PLEKHA7: variants seen among roughly 807,000 people sequenced by gnomAD.
PLEKHA7 encodes pleckstrin homology domain containing A7.
In PLEKHA7, 104 loss-of-function variants were observed where a neutral mutation model predicts 170.0. The ratio of observed to expected loss-of-function variants is 0.61; its 90% CI spans 0.52 to 0.72. PLEKHA7 has a LOEUF of 0.72. Ranked by LOEUF, PLEKHA7 falls within the 30% of genes least tolerant of loss-of-function variation. The pLI is 0.00. For missense variants in PLEKHA7, 1,615 were observed against 1,671.7 expected (o/e 0.97, Z 0.59); for synonymous variants, 648 against 660.8 (o/e 0.98, Z 0.30).
chr11:16,801,430 G>A (rs973603891), intron 16 of PLEKHA7, among the ~76,000 whole-genome samples: 15 of 152,246 alleles, frequency 9.9e-5, no homozygotes, highest in Non-Finnish European at 1.6e-4. Flanking sequence ...CTGGCCCACT[G>A]GGTGTCACTG....
chr11:16,877,752 C>A (rs1045844800), intron 3 of PLEKHA7, among the ~76,000 whole-genome samples: 4 of 152,198 alleles, frequency 2.6e-5, no homozygotes, highest in African/African-American at 9.7e-5. Flanking sequence ...AGCAACAAGT[C>A]AGCCCAGAGC....
intron 25 of PLEKHA7, 121 bp from the exon 26 acceptor site, chr11:16,783,017 G>C: frequency 1.8e-6 from 2 of 1,089,242 alleles, no homozygotes; most frequent in Non-Finnish European, 2.6e-6. Context: ...AAAAACTGTG[G>C]TACTTTCTCC....
At chr11:16,800,288 G>A (rs1274493640) in intron 17 of PLEKHA7, among the ~76,000 whole-genome samples, 2 of 152,204 alleles carry the variant, frequency 1.3e-5, no homozygotes, top group African/African-American at 4.8e-5. Flanking sequence ...GGGGAACACT[G>A]GGCAATTTGG....
Position 16,791,217 on chromosome 11 carries a change from C to T in PLEKHA7, c.2746-18G>A. The T allele has an allele frequency of 2.5e-6, 4 of 1,572,590 alleles. No individual in the cohort carries two copies. The highest frequency in any genetic ancestry group is 3.5e-6 in the Non-Finnish European group (4 of 1,158,744). ...TCATCTTCCTGCTGAGAAAGAGAAC[C>T]AGACCAGTGGTCAGCGAGACGGAGC... On this transcript the variant is annotated intron_variant, in intron 19 of 26. Coordinates refer to ENST00000531066, the MANE Select transcript of PLEKHA7 (RefSeq NM_001329630.2). This position sits in a 1 kb window ranked among gnomAD's most constrained non-coding sequence, Gnocchi z 4.5.
At position 16,786,846 on chromosome 11, in the gene PLEKHA7, T is replaced by C. The variant is rs886113934; in HGVS notation, c.3358-459A>G. On this transcript the variant is annotated intron_variant, in intron 23 of 26. Coordinates refer to ENST00000531066, the MANE Select transcript of PLEKHA7 (RefSeq NM_001329630.2). ...GAAGAATAACCAAGGATCTTTCTAT[T>C]GGGAATTTTCAACAAGATAACATTC... is the stretch of plus-strand genomic sequence containing the variant. The C allele has an allele frequency of 1.7e-5, 17 of 985,360 alleles. No individual in the cohort carries two copies. The South Asian group carries it at 7.1e-4, about 41-fold the overall frequency. The allele number at this position is 985,360 out of a possible 1,614,324, so 61.0% of individuals were successfully genotyped here.
At position 16,786,348 on chromosome 11, in the gene PLEKHA7, G is replaced by A. The variant is rs571452856; in HGVS notation, c.3397C>T (p.Arg1133Trp). 2.0e-5 allele frequency: 30 copies of A among 1,536,068 alleles called. No homozygotes were observed. Among genetic ancestry groups the A allele is most frequent in the South Asian group, 5.9e-5 (5 of 84,060 alleles). Residue 1133 changes from arginine (R) to tryptophan (W), a missense_variant, in exon 24 of 27, where the codon CGG (arginine) becomes TGG (tryptophan). By Grantham distance (101) the Arg-to-Trp change is moderately radical (BLOSUM62 -3). Coordinates refer to ENST00000531066, the MANE Select transcript of PLEKHA7 (RefSeq NM_001329630.2). ...TCCTTTTTTTCCCCTTGCACGACCC[G>A]TTCCAGCAACTGCAGGTCAAAGTCC... ...EQDFDLQLLERVVQGEKKDKE... is the reference protein window; with the variant it reads ...EQDFDLQLLEWVVQGEKKDKE...
intron 3 of PLEKHA7, among the ~76,000 whole-genome samples, chr11:16,885,016 T>G (rs1413085723): frequency 6.8e-6 from 1 of 146,810 alleles, no homozygotes; most frequent in Non-Finnish European, 1.6e-5. Context: ...AGAGAAGACC[T>G]TCTTTTCATG....
intron 26 of PLEKHA7, chr11:16,781,085 T>G (rs1590094606): frequency 6.8e-6 from 6 of 878,586 alleles, no homozygotes; most frequent in Non-Finnish European, 8.2e-6. Context: ...AAGCGGTGTG[T>G]TAGACTCCTC....
rs1848071838 is a variant in PLEKHA7 at position 16,794,472 on chromosome 11, A to C, written c.2745+16T>G. The C allele has an allele frequency of 6.3e-7, 1 of 1,597,978 alleles. No homozygotes were observed. Among genetic ancestry groups the C allele is most frequent in the Admixed American group, 1.7e-5 (1 of 59,964 alleles). Reference sequence around the variant, plus strand: ...GAGGAAACAATGGCATTCAGCTCCTAGTTATCACTACTTACAACTTTGGGC... The same window carrying C: ...GAGGAAACAATGGCATTCAGCTCCTCGTTATCACTACTTACAACTTTGGGC... On this transcript the variant is annotated intron_variant, in intron 19 of 26. Transcript: ENST00000531066.
intron 13 of PLEKHA7, among the ~76,000 whole-genome samples, chr11:16,808,042 T>C (rs1011679492): frequency 2.0e-5 from 3 of 152,216 alleles, no homozygotes; most frequent in East Asian, 1.9e-4. Flanking sequence ...GAGGTTCTTG[T>C]GGTGCAGATC....
chr11:16,993,971 T>C (rs1288611796), intron 3 of PLEKHA7, among the ~76,000 whole-genome samples: 2 of 152,198 alleles, frequency 1.3e-5, no homozygotes, highest in Non-Finnish European at 2.9e-5. Context: ...ATTAAGTCCA[T>C]GAGTAATTAT....
At chr11:16,924,463 GA>G (rs1401081703) in intron 3 of PLEKHA7, among the ~76,000 whole-genome samples, 1 of 152,190 alleles carries the variant, frequency 6.6e-6, no homozygotes, top group Non-Finnish European at 1.5e-5. Context: ...CTGCTGAGAG[GA>G]CTCAGGTCTC....
chr11:16,974,448 C>G (rs923044588), intron 3 of PLEKHA7, among the ~76,000 whole-genome samples: 1 of 152,210 alleles, frequency 6.6e-6, no homozygotes, highest in African/African-American at 2.4e-5. Flanking sequence ...CACAAATTTG[C>G]GTGTCATCCT....
chr11:16,786,164 TG>T, intron 24 of PLEKHA7, 64 bp downstream of exon 24: 1 of 1,513,448 alleles, frequency 6.6e-7, no homozygotes, highest in East Asian at 2.5e-5. Flanking sequence ...AGTGGGAAGG[TG>T]GATCAGGCTG....
At position 16,789,118 on chromosome 11, in the gene PLEKHA7, G is replaced by T; in HGVS notation, c.3335C>A (p.Pro1112Gln). 6.2e-7 allele frequency: 1 copy of T among 1,605,848 alleles called. No homozygotes were observed. Among genetic ancestry groups the T allele is most frequent in the Non-Finnish European group, 8.5e-7 (1 of 1,179,962 alleles). Residue 1112 changes from proline (P) to glutamine (Q), a missense_variant, in exon 23 of 27, where the codon CCG (proline) becomes CAG (glutamine). Physicochemically the swap from Pro to Gln is moderately conservative, Grantham distance 76. Transcript: ENST00000531066. This position sits in a 1 kb window ranked among gnomAD's most constrained non-coding sequence, Gnocchi z 4.6. ...GLPSSRYLSRPLPGDLGSWKR... is the reference protein window; with the variant it reads ...GLPSSRYLSRQLPGDLGSWKR... ...TACTGAGCCAAGATCTCCAGGGAGC[G>T]GCCGGCTGAGGTAGCGAGATGAGGG...
At chr11:16,831,898 T>G (rs1851145910) in intron 9 of PLEKHA7, among the ~76,000 whole-genome samples, 1 of 152,232 alleles carries the variant, frequency 6.6e-6, no homozygotes, top group Non-Finnish European at 1.5e-5. Context: ...GCCCCAATTT[T>G]TTGAAAGTCG....
intron 3 of PLEKHA7, among the ~76,000 whole-genome samples, chr11:16,979,441 A>C (rs961359652): frequency 6.6e-6 from 1 of 152,140 alleles, no homozygotes; most frequent in Non-Finnish European, 1.5e-5. Context: ...TTTTACAGAC[A>C]TGGGATCTGA....
chr11:16,804,889 CG>C (rs57180263), intron 13 of PLEKHA7, among the ~76,000 whole-genome samples: 7 of 151,324 alleles, frequency 4.6e-5, no homozygotes, highest in African/African-American at 7.3e-5. Flanking sequence ...TCCTGCAATG[CG>C]GGGGGGGCGG....
chr11:16,939,880 G>A (rs1051649046), intron 3 of PLEKHA7, among the ~76,000 whole-genome samples: 2 of 152,176 alleles, frequency 1.3e-5, no homozygotes, highest in Admixed American at 1.3e-4. Context: ...AGGGACTGGG[G>A]ACTCACCCTG....
Sources: gnomAD v4.1 joint callset for allele counts (sites outside exome capture counted in the v4.1 genomes callset) on GRCh38, gnomAD v4.1.1 for gene constraint, Gnocchi (gnomAD v3.1) non-coding constraint, MANE v1.5 for transcripts, NCBI Gene and HGNC (gene_info 2026-07-23, HGNC 2026-07-21) for gene names.